The following IL1F10 variants were observed in gnomAD, a reference collection of about 807,000 sequenced individuals.
IL1F10 encodes the protein interleukin-1 family member 10.
Under a neutral mutation model 13.1 loss-of-function variants are expected in IL1F10, and 13 were observed. The observed-to-expected ratio is 0.99, with a 90% CI of 0.64 to 1.57. The LOEUF (loss-of-function observed/expected upper bound fraction) is 1.57, where lower values mean the gene tolerates loss of function less well. Ranked by LOEUF, IL1F10 falls within the 40% of genes most tolerant of loss-of-function variation. IL1F10 has a pLI of 0.00. For missense variants in IL1F10, 191 were observed against 184.1 expected (o/e 1.04, Z -0.22); for synonymous variants, 78 against 68.2 (o/e 1.14, Z -0.71).
intron 1 of IL1F10, among the ~76,000 whole-genome samples, chr2:113,070,286 C>T (rs776147440): frequency 3.3e-5 from 5 of 152,170 alleles, no homozygotes; most frequent in Non-Finnish European, 5.9e-5. Flanking sequence ...CCTACCCTTA[C>T]TCACTTCATC....
chr2:113,072,103 G>T (rs1685845621), intron 1 of IL1F10, among the ~76,000 whole-genome samples: 1 of 152,224 alleles, frequency 6.6e-6, no homozygotes, highest in African/African-American at 2.4e-5. Context: ...ATCTGGAACA[G>T]AATGGGGGAG....
Position 113,075,399 on chromosome 2 carries a change from C to G in IL1F10, c.*35C>G. ...AAACTGCGTTTTAGCCTTGTGCCCCCAAACCAAGCTCATCCTGCTCAGGGT... is the reference window on the plus strand; with the variant it reads ...AAACTGCGTTTTAGCCTTGTGCCCCGAAACCAAGCTCATCCTGCTCAGGGT... On this transcript the variant is annotated 3_prime_UTR_variant, in exon 5 of 5. Coordinates refer to ENST00000341010, the MANE Select transcript of IL1F10 (RefSeq NM_173161.3). 1.4e-6 allele frequency: 2 copies of G among 1,478,416 alleles called. No individual in the cohort carries two copies. The highest frequency in any genetic ancestry group is 1.8e-6 in the Non-Finnish European group (2 of 1,090,420). The allele number at this position is 1,478,416 out of a possible 1,614,324, so 91.6% of individuals were successfully genotyped here. A position where few individuals can be genotyped will look rare whatever the true frequency, so the allele number is the denominator to read the frequency against.
At position 113,075,392 on chromosome 2, in the gene IL1F10, G is replaced by C. The variant is rs1224523824; in HGVS notation, c.*28G>C. ...AGACAGGAAACTGCGTTTTAGCCTT[G>C]TGCCCCCAAACCAAGCTCATCCTGC... On this transcript the variant is annotated 3_prime_UTR_variant, in exon 5 of 5. Coordinates refer to ENST00000341010, the MANE Select transcript of IL1F10 (RefSeq NM_173161.3). The C allele has an allele frequency of 2.0e-6, 3 of 1,516,326 alleles. 1 individual carries two copies. The highest frequency in any genetic ancestry group is 2.7e-6 in the Non-Finnish European group (3 of 1,122,864). 93.9% of individuals were successfully genotyped at this position (1,516,326 alleles called of 1,614,324 possible).
At chr2:113,070,137 A>T (rs1362765027) in intron 1 of IL1F10, among the ~76,000 whole-genome samples, 1 of 152,150 alleles carries the variant, frequency 6.6e-6, no homozygotes, top group Non-Finnish European at 1.5e-5. Flanking sequence ...TATAGACTGA[A>T]GTTCAGTGAA....
chr2:113,070,392 G>A (rs919712424), intron 1 of IL1F10, among the ~76,000 whole-genome samples: 1 of 152,178 alleles, frequency 6.6e-6, no homozygotes, highest in Admixed American at 6.5e-5. Context: ...AGGTTTCTAG[G>A]GCCCATGGGA....
At chr2:113,075,105 C>T in intron 4 of IL1F10, 47 bp from the exon 5 acceptor site, 1 of 1,530,132 alleles carries the variant, frequency 6.5e-7, no homozygotes, top group Non-Finnish European at 8.9e-7. Context: ...AGGGCTAACA[C>T]CTCCATCAGC....
intron 2 of IL1F10, among the ~76,000 whole-genome samples, chr2:113,073,821 T>C (rs1685888393): frequency 6.6e-6 from 1 of 152,198 alleles, no homozygotes; most frequent in African/African-American, 2.4e-5. Context: ...TGAAACCAAC[T>C]AGGTGACTGA....
chr2:113,074,497 T>G (rs1685898768), intron 3 of IL1F10, 83 bp downstream of exon 3: 2 of 1,199,400 alleles, frequency 1.7e-6, no homozygotes, highest in South Asian at 1.2e-5. Context: ...CAGCAGAGGG[T>G]CAGCAGCTGC....
intron 2 of IL1F10, among the ~76,000 whole-genome samples, chr2:113,073,006 C>T (rs564705689): frequency 1.3e-5 from 2 of 152,280 alleles, no homozygotes; most frequent in Admixed American, 6.5e-5. Flanking sequence ...TGTTATTAAA[C>T]CCATTTTACA....
intron 1 of IL1F10, among the ~76,000 whole-genome samples, chr2:113,070,196 T>G (rs1355419035): frequency 6.6e-6 from 1 of 152,122 alleles, no homozygotes; most frequent in African/African-American, 2.4e-5. Flanking sequence ...GTGAGGCATG[T>G]GGCACACTGG....
At chr2:113,075,026 C>T in intron 4 of IL1F10, 126 bp from the exon 5 acceptor site, 2 of 1,221,384 alleles carry the variant, frequency 1.6e-6, no homozygotes, top group Non-Finnish European at 2.3e-6. Flanking sequence ...CTAGAATCTG[C>T]AGAAGGCAGT....
chr2:113,069,277 A>T (rs1685793412), intron 1 of IL1F10, among the ~76,000 whole-genome samples: 1 of 145,388 alleles, frequency 6.9e-6, no homozygotes, highest in Non-Finnish European at 1.5e-5. Flanking sequence ...GTCACTGTAG[A>T]TTCTAGAGCT....
At chr2:113,075,013 C>A in intron 4 of IL1F10, 139 bp from the exon 5 acceptor site, 3 of 1,218,736 alleles carry the variant, frequency 2.5e-6, no homozygotes, top group African/African-American at 1.5e-5. Flanking sequence ...AGACCCTTGC[C>A]CTCTAGAATC....
At chr2:113,073,054 C>A (rs1685867993) in intron 2 of IL1F10, among the ~76,000 whole-genome samples, 1 of 152,158 alleles carries the variant, frequency 6.6e-6, no homozygotes, top group African/African-American at 2.4e-5. Flanking sequence ...TAAATAACTT[C>A]CCCCATGTCA....
intron 1 of IL1F10, among the ~76,000 whole-genome samples, chr2:113,071,696 C>A (rs1685838084): frequency 6.6e-6 from 1 of 152,212 alleles, no homozygotes; most frequent in African/African-American, 2.4e-5. Flanking sequence ...CAGCACCCAC[C>A]TGTTCCTTCT....
rs560179853 is a variant in IL1F10 at position 113,075,195 on chromosome 2, C to G, written c.290C>G (p.Thr97Arg). Reference sequence around the variant, plus strand: ...CTGTACAAAGGTGGTGAAGAGGCCACACGCTTCACCTTCTTCCAGAGCAGC... The same window carrying G: ...CTGTACAAAGGTGGTGAAGAGGCCAGACGCTTCACCTTCTTCCAGAGCAGC... ...EELYKGGEEA[T>R]RFTFFQSSSG... The change falls in exon 5 of 5, where the codon ACA (threonine) becomes AGA (arginine). Residue 97 changes from threonine (T) to arginine (R), a missense_variant. Thr to Arg is a moderately conservative substitution (Grantham distance 71, BLOSUM62 -1). Coordinates refer to ENST00000341010, the MANE Select transcript of IL1F10 (RefSeq NM_173161.3). 7.1e-5 allele frequency: 115 copies of G among 1,613,536 alleles called. 2 individuals are homozygous for G. The highest frequency in any genetic ancestry group is 6.6e-4 in the South Asian group (60 of 91,038).
intron 4 of IL1F10, 80 bp from the exon 5 acceptor site, chr2:113,075,072 T>C (rs2105080112): frequency 7.2e-7 from 1 of 1,387,120 alleles, no homozygotes; most frequent in East Asian, 2.3e-5. Context: ...AGGTCCTTTT[T>C]TGGCCAAGCC....
At chr2:113,069,517 T>A (rs575350206) in intron 1 of IL1F10, among the ~76,000 whole-genome samples, 7 of 152,246 alleles carry the variant, frequency 4.6e-5, no homozygotes, top group African/African-American at 1.7e-4. Flanking sequence ...ATATCACTGG[T>A]GAGAGGAATA....
In IL1F10 at chr2:113,075,416, G is replaced by C. The variant is rs536520937; in HGVS notation, c.*52G>C. The C allele has an allele frequency of 7.4e-7, 1 of 1,350,098 alleles. No homozygotes were observed. The highest frequency in any genetic ancestry group is 1.4e-5 in the South Asian group (1 of 71,660). The allele number at this position is 1,350,098 out of a possible 1,614,324, so 83.6% of individuals were successfully genotyped here. On this transcript the variant is annotated 3_prime_UTR_variant, in exon 5 of 5. Transcript: ENST00000341010. Reference sequence around the variant, plus strand: ...TGTGCCCCCAAACCAAGCTCATCCTGCTCAGGGTCTATGGTAGGCAGAATA... The same window carrying C: ...TGTGCCCCCAAACCAAGCTCATCCTCCTCAGGGTCTATGGTAGGCAGAATA...
Sources: gnomAD v4.1 joint callset for allele counts (sites outside exome capture counted in the v4.1 genomes callset) on GRCh38, gnomAD v4.1.1 for gene constraint, MANE v1.5 for transcripts, NCBI Gene and HGNC (gene_info 2026-07-23, HGNC 2026-07-21) for gene names.